Variants in NHSL2 observed in about 807,000 individuals in gnomAD.
The protein encoded by NHSL2 is NHS like 2, also known as NHS-like protein 2.
A neutral mutation model predicts 53.4 loss-of-function variants in NHSL2; 27 were observed. That is an observed-to-expected ratio of 0.51 (90% CI 0.37 to 0.70). NHSL2 has a LOEUF of 0.70. Ranked by LOEUF, NHSL2 falls within the 30% of genes least tolerant of loss-of-function variation. The probability of loss-of-function intolerance (pLI) is 0.00; values close to 1 mark genes in which losing one functional copy is unlikely to be tolerated. For missense variants in NHSL2, 892 were observed against 980.1 expected (o/e 0.91, Z 1.20); for synonymous variants, 408 against 404.1 (o/e 1.01, Z -0.12).
chrX:72,118,437 G>A (rs142374613), intron 1 of NHSL2, among the ~76,000 whole-genome samples: 202 of 111,484 alleles, frequency 1.8e-3, no homozygotes, highest in African/African-American at 6.3e-3. Context: ...CTGCCTTTTC[G>A]CTTTTTTCTT....
chrX:71,981,832 A>C (rs1330451524), intron 1 of NHSL2, among the ~76,000 whole-genome samples: 1 of 112,044 alleles, frequency 8.9e-6, no homozygotes, highest in East Asian at 2.8e-4. Context: ...AGTGTTGACA[A>C]GGATGTGGAG....
intron 1 of NHSL2, among the ~76,000 whole-genome samples, chrX:71,922,887 G>T (rs2041666848): frequency 8.9e-6 from 1 of 112,316 alleles, no homozygotes; most frequent in African/African-American, 3.2e-5. Context: ...TTACCTCTTG[G>T]AATAAAGAGT....
rs758544929 is a variant in NHSL2, at chrX:72,138,920, C to G, written c.1372C>G (p.Pro458Ala). The G allele has an allele frequency of 1.7e-6, 2 of 1,207,859 alleles. No homozygotes were observed. The highest frequency in any genetic ancestry group is 3.5e-5 in the African/African-American group (2 of 57,257). Reference protein sequence around the residue: ...PAGCSGSAGYPERLIQQRHMP... With the variant: ...PAGCSGSAGYAERLIQQRHMP... ...AGGATGCAGTGGGTCAGCTGGCTAC[C>G]CTGAGCGCCTTATTCAGCAAAGGCA... Residue 458 changes from proline to alanine, a missense_variant, in exon 6 of 8, where the codon CCT becomes GCT. Transcript: ENST00000633930.
intron 1 of NHSL2, among the ~76,000 whole-genome samples, chrX:72,072,183 C>T (rs1263142599): frequency 8.9e-6 from 1 of 112,705 alleles, no homozygotes. Context: ...CTTTCAAGTT[C>T]TGTATATATT....
Position 72,143,294 on chromosome X carries a change from C to G in NHSL2, c.3398C>G (p.Ala1133Gly), listed in dbSNP as rs1386597675. ...CTCGGCTGGAAGGAACCTGGTGAGG[C>G]CTTTGTGGGTGGCAGAACGAGTTCC... ...KLLGWKEPGE[A>G]FVGGRTSSHS... is the part of the protein sequence containing the mutation. Residue 1133 changes from alanine (A) to glycine (G), a missense_variant, in exon 8 of 8, where the codon GCC (alanine) becomes GGC (glycine). By Grantham distance (60) the Ala-to-Gly change is moderately conservative. Transcript: ENST00000633930. 4.3e-6 allele frequency: 5 copies of G among 1,165,597 alleles called. No homozygotes were observed. Among genetic ancestry groups the G allele is most frequent in the Non-Finnish European group, 5.7e-6 (5 of 871,688 alleles).
At chrX:72,091,168 A>G (rs2041893961) in intron 1 of NHSL2, among the ~76,000 whole-genome samples, 1 of 112,416 alleles carries the variant, frequency 8.9e-6, no homozygotes, top group Admixed American at 9.4e-5. Flanking sequence ...AATTTTTGAC[A>G]GTTAGCCGGG....
At position 72,131,489 on chromosome X, in the gene NHSL2, G is replaced by A. The variant is rs773328666; in HGVS notation, c.281-590G>A. Reference sequence around the variant, plus strand: ...CGAAGGGCATTTAATTCTTCGCGCAGGGCCACATTCGCCATGCGGAGGCTG... The same window carrying A: ...CGAAGGGCATTTAATTCTTCGCGCAAGGCCACATTCGCCATGCGGAGGCTG... On this transcript the variant is annotated intron_variant, in intron 1 of 7. Transcript: ENST00000633930. 3.7e-5 allele frequency: 44 copies of A among 1,202,541 alleles called. No individual in the cohort carries two copies. In the East Asian group the frequency reaches 3.9e-4, roughly 11 times the overall value.
In NHSL2 at chrX:72,030,611, G is replaced by C. The variant is rs1009654724; in HGVS notation, c.281-101468G>C. Among the ~76,000 whole-genome samples, 3 of 111,319 alleles carry C rather than the reference G, an allele frequency of 2.7e-5. No individual in the cohort carries two copies. The Admixed American group carries it at 2.9e-4, about 11-fold the overall frequency. On this transcript the variant is annotated intron_variant, in intron 1 of 7. Transcript: ENST00000633930. ...TGCCCCTTCCATTTGGTATTTACAC[G>C]CACCAAGTGCTGCAATCAAATGTTT...
chrX:71,973,097 G>C (rs1419182945), intron 1 of NHSL2, among the ~76,000 whole-genome samples: 1 of 111,976 alleles, frequency 8.9e-6, no homozygotes, highest in Non-Finnish European at 1.9e-5. Flanking sequence ...CCCTGGTTTA[G>C]GGTAGCTTAT....
rs1602320910 is a variant in NHSL2, at chrX:72,034,134, G to A, written c.281-97945G>A. ...AGAGTTTCTATCATGTATGGGTGTT[G>A]GATTTTGCCAAATGATTTGCTGAAT... On this transcript the variant is annotated intron_variant, in intron 1 of 7. Transcript: ENST00000633930. 3.6e-5 allele frequency among the ~76,000 whole-genome samples: 4 copies of A among 111,741 alleles called. No individual in the cohort carries two copies. The South Asian group carries it at 1.5e-3, about 42-fold the overall frequency.
At chrX:72,096,126 G>A (rs1342366028) in intron 1 of NHSL2, among the ~76,000 whole-genome samples, 1 of 109,854 alleles carries the variant, frequency 9.1e-6, no homozygotes, top group Non-Finnish European at 1.9e-5. Context: ...AAAGCTGACT[G>A]TGGCTGCTTC....
At chrX:72,130,070 C>T (rs370818026) in intron 1 of NHSL2, 4 of 1,211,126 alleles carry the variant, frequency 3.3e-6, no homozygotes, top group Admixed American at 4.3e-5. Context: ...AGGAAGTTTT[C>T]GGCGTGGTAA....
At chrX:72,041,568 C>T (rs2042274422) in intron 1 of NHSL2, among the ~76,000 whole-genome samples, 1 of 112,334 alleles carries the variant, frequency 8.9e-6, no homozygotes. Context: ...CATTCCTCTG[C>T]AGCCTCAGGA....
At chrX:71,975,185 G>A (rs2041942993) in intron 1 of NHSL2, among the ~76,000 whole-genome samples, 1 of 112,026 alleles carries the variant, frequency 8.9e-6, no homozygotes, top group Admixed American at 9.4e-5. Context: ...AGTTCACACC[G>A]AGGAGTGACT....
At chrX:72,116,604 C>T (rs1276198940) in intron 1 of NHSL2, among the ~76,000 whole-genome samples, 3 of 111,951 alleles carry the variant, frequency 2.7e-5, no homozygotes, top group African/African-American at 9.8e-5. Flanking sequence ...TAAAGGACTG[C>T]GTGCGTGGGT....
At chrX:71,955,896 T>C (rs2041841102) in intron 1 of NHSL2, among the ~76,000 whole-genome samples, 1 of 110,785 alleles carries the variant, frequency 9.0e-6, no homozygotes, top group Non-Finnish European at 1.9e-5. Context: ...TCTCCCTGGC[T>C]CGCCCTGGAG....
intron 1 of NHSL2, among the ~76,000 whole-genome samples, chrX:72,122,863 C>T (rs956996443): frequency 8.8e-6 from 1 of 113,111 alleles, no homozygotes; most frequent in Non-Finnish European, 1.9e-5. Context: ...GGGGCCAGTC[C>T]TCTTTCCAAA....
intron 1 of NHSL2, among the ~76,000 whole-genome samples, chrX:71,987,444 T>C (rs1183588692): frequency 4.5e-5 from 5 of 111,601 alleles, no homozygotes; most frequent in African/African-American, 9.8e-5. Flanking sequence ...TAGAATCTAA[T>C]GCTCCAAGGT....
intron 1 of NHSL2, among the ~76,000 whole-genome samples, chrX:71,946,580 C>T (rs1431033125): frequency 1.8e-5 from 2 of 111,752 alleles, no homozygotes; most frequent in East Asian, 5.6e-4. Context: ...TCCACTTTCA[C>T]AACCATCTCA....
Sources: allele counts gnomAD v4.1 joint callset (sites outside exome capture counted in the v4.1 genomes callset), GRCh38; gene constraint gnomAD v4.1.1; transcripts MANE v1.5; gene names NCBI Gene and HGNC (gene_info 2026-07-23, HGNC 2026-07-21).